Variants in STXBP5L observed in about 807,000 individuals in gnomAD.
STXBP5L encodes the protein syntaxin binding protein 5L.
A neutral mutation model predicts 144.5 loss-of-function variants in STXBP5L; 65 were observed. That is an observed-to-expected ratio of 0.45 (90% CI 0.37 to 0.55). STXBP5L has a LOEUF of 0.55. Among genes scored for constraint, STXBP5L ranks in the 20% least tolerant of loss-of-function variants. The pLI, the probability that STXBP5L is intolerant of heterozygous loss-of-function variation, is 0.00. For missense variants in STXBP5L, 1,298 were observed against 1,405.5 expected, an observed-to-expected ratio of 0.92 and a Z score of 1.22; for synonymous variants, 505 against 469.6, an observed-to-expected ratio of 1.08 and a Z score of -0.97.
chr3:120,975,645 G>A (rs1002346357), intron 3 of STXBP5L, among the ~76,000 whole-genome samples: 5 of 152,138 alleles, frequency 3.3e-5, no homozygotes, highest in African/African-American at 1.2e-4. Context: ...AATGCTTCCA[G>A]TTTTTGCCCA....
chr3:121,367,401 G>GAT (rs2045891845), intron 20 of STXBP5L, among the ~76,000 whole-genome samples: 1 of 151,972 alleles, frequency 6.6e-6, no homozygotes, highest in Non-Finnish European at 1.5e-5. Context: ...ACTTTTGCCA[G>GAT]ATATAGGACT....
chr3:121,130,697 A>G (rs1336098497), intron 7 of STXBP5L, among the ~76,000 whole-genome samples: 1 of 152,168 alleles, frequency 6.6e-6, no homozygotes, highest in East Asian at 1.9e-4. Context: ...TAGAGCCAAT[A>G]GCAGTATACT....
chr3:120,909,829 G>A (rs1708734016), intron 2 of STXBP5L, 62 bp downstream of exon 2: 2 of 1,486,408 alleles, frequency 1.3e-6, no homozygotes, highest in Non-Finnish European at 1.8e-6. Flanking sequence ...AGGAAACAAG[G>A]GGGGAAAAAC....
At chr3:120,980,247 A>G (rs776576246) in intron 3 of STXBP5L, among the ~76,000 whole-genome samples, 1 of 152,140 alleles carries the variant, frequency 6.6e-6, no homozygotes, top group Non-Finnish European at 1.5e-5. Flanking sequence ...TAGTCTAGAG[A>G]CCAATTTAAG....
At chr3:121,205,798 T>C in intron 9 of STXBP5L, 125 bp from the exon 10 acceptor site, 1 of 471,336 alleles carries the variant, frequency 2.1e-6, no homozygotes, top group Non-Finnish European at 3.7e-6. Context: ...AAGTTTATCC[T>C]ATTATGACAA....
At chr3:120,914,725 T>G (rs1236454872) in intron 2 of STXBP5L, among the ~76,000 whole-genome samples, 1 of 152,110 alleles carries the variant, frequency 6.6e-6, no homozygotes, top group Non-Finnish European at 1.5e-5. Flanking sequence ...GAAGATTCCC[T>G]GAGATGTGTG....
In STXBP5L at chr3:121,070,355, G is replaced by C. The variant is rs549639777; in HGVS notation, c.470+24820G>C. Among the ~76,000 whole-genome samples the C allele has an allele frequency of 1.3e-5, 2 of 152,354 alleles. 1 individual carries two copies. The highest frequency in any genetic ancestry group is 3.9e-4 in the East Asian group (2 of 5,190). On this transcript the variant is annotated intron_variant, in intron 5 of 26. Coordinates refer to ENST00000471454, the MANE Select transcript of STXBP5L (RefSeq NM_001308330.2). The stretch of plus-strand genomic sequence containing the variant: ...ACTCACTGGGCCTCTAATAAACTTT[G>C]AGGAATGTGGAGTTGTGGAGTATAG...
At chr3:121,041,942 G>A (rs768976131) in intron 4 of STXBP5L, among the ~76,000 whole-genome samples, 161 bp downstream of exon 4, 29 of 151,868 alleles carry the variant, frequency 1.9e-4, no homozygotes, top group Non-Finnish European at 2.8e-4. Context: ...CTCCTGTATT[G>A]GTTAATTTAT....
At chr3:121,098,109 G>A (rs997802046) in intron 5 of STXBP5L, among the ~76,000 whole-genome samples, 1 of 152,204 alleles carries the variant, frequency 6.6e-6, no homozygotes, top group African/African-American at 2.4e-5. Context: ...ATCAAGAAAT[G>A]TGGAAAGCAC....
intron 9 of STXBP5L, among the ~76,000 whole-genome samples, chr3:121,159,768 T>G (rs1056972132): frequency 2.4e-4 from 37 of 151,632 alleles, no homozygotes; most frequent in Non-Finnish European, 7.4e-5. Context: ...TAGCTGGGAC[T>G]ACAGGCGCCC....
At chr3:121,012,756 T>C (rs573112967) in intron 3 of STXBP5L, among the ~76,000 whole-genome samples, 1 of 151,888 alleles carries the variant, frequency 6.6e-6, no homozygotes, top group Non-Finnish European at 1.5e-5. Flanking sequence ...TGTTTGATAC[T>C]GAGGTTTGGG....
At chr3:121,256,581 TAAAC>T (rs1314262150) in intron 16 of STXBP5L, among the ~76,000 whole-genome samples, 1 of 151,870 alleles carries the variant, frequency 6.6e-6, no homozygotes, top group Admixed American at 6.6e-5. Flanking sequence ...GGTAATGAAA[TAAAC>T]AACCAAAAAT....
At chr3:121,375,959 A>C (rs2046171408) in intron 20 of STXBP5L, among the ~76,000 whole-genome samples, 1 of 152,210 alleles carries the variant, frequency 6.6e-6, no homozygotes, top group Non-Finnish European at 1.5e-5. Flanking sequence ...AAGAAAAATA[A>C]GACATACTTT....
chr3:121,239,227 C>G (rs146530562), intron 13 of STXBP5L, 109 bp downstream of exon 13: 15 of 587,916 alleles, frequency 2.6e-5, no homozygotes, highest in Non-Finnish European at 1.1e-5. Context: ...TAACTAAATT[C>G]TTTTTAAGTT....
chr3:121,185,196 AG>A (rs1386484315), intron 9 of STXBP5L, among the ~76,000 whole-genome samples: 2 of 152,240 alleles, frequency 1.3e-5, no homozygotes, highest in African/African-American at 4.8e-5. Flanking sequence ...TGTAGATATT[AG>A]CCCTTTGTCA....
chr3:121,015,228 A>G lies in STXBP5L; in HGVS notation c.288-26472A>G, dbSNP rs79687083. On this transcript the variant is annotated intron_variant, in intron 3 of 26. Coordinates refer to ENST00000471454, the MANE Select transcript of STXBP5L (RefSeq NM_001308330.2). ...GAAGTTGACCCAGCTAGGGATTAAT[A>G]TAAGAATTTATGATTGGCTTAATAA... Among the ~76,000 whole-genome samples the G allele has an allele frequency of 1.2e-3, 176 of 152,300 alleles. No individual in the cohort carries two copies. The East Asian group carries it at 0.027, about 24-fold the overall frequency.
At chr3:121,115,962 C>G (rs1157217318) in intron 6 of STXBP5L, among the ~76,000 whole-genome samples, 2 of 152,088 alleles carry the variant, frequency 1.3e-5, no homozygotes, top group South Asian at 2.1e-4. Flanking sequence ...GGGGATGGTG[C>G]TAAACCATTC....
intron 18 of STXBP5L, among the ~76,000 whole-genome samples, chr3:121,276,682 T>A (rs1432268429): frequency 6.6e-6 from 1 of 151,960 alleles, no homozygotes; most frequent in Admixed American, 6.6e-5. Context: ...TCTTTTGGTT[T>A]GTATAGTTTC....
At chr3:121,383,495 T>C (rs1304435189) in intron 22 of STXBP5L, among the ~76,000 whole-genome samples, 10 of 152,140 alleles carry the variant, frequency 6.6e-5, no homozygotes, top group African/African-American at 2.2e-4. Context: ...TGGGAACTCT[T>C]TATACTATCT....
Sources: gnomAD v4.1 joint callset for allele counts (sites outside exome capture counted in the v4.1 genomes callset) on GRCh38, gnomAD v4.1.1 for gene constraint, MANE v1.5 for transcripts, NCBI Gene and HGNC (gene_info 2026-07-23, HGNC 2026-07-21) for gene names.